Variants in PHKA1 observed in about 807,000 individuals in gnomAD.
PHKA1 encodes phosphorylase b kinase regulatory subunit alpha, skeletal muscle isoform.
Under a neutral mutation model 110.2 loss-of-function variants are expected in PHKA1, and 60 were observed. The ratio of observed to expected loss-of-function variants is 0.54; its 90% CI spans 0.44 to 0.68. The LOEUF is 0.68. Among genes scored for constraint, PHKA1 ranks in the 30% least tolerant of loss-of-function variants. PHKA1 has a pLI of 0.00. For synonymous variants in PHKA1, 316 were observed against 333.6 expected (o/e 0.95, Z 0.58); for missense variants, 801 against 942.5 (o/e 0.85, Z 1.97).
intron 28 of PHKA1, among the ~76,000 whole-genome samples, chrX:72,595,918 T>C (rs1338656386): frequency 8.9e-6 from 1 of 112,062 alleles, no homozygotes; most frequent in Non-Finnish European, 1.9e-5. Flanking sequence ...AGAACTACCA[T>C]ATGATTCAGC....
intron 6 of PHKA1, among the ~76,000 whole-genome samples, chrX:72,671,812 A>G (rs1232820101): frequency 1.8e-5 from 2 of 111,582 alleles, no homozygotes; most frequent in African/African-American, 6.5e-5. Context: ...TCTTTGACAA[A>G]CCTGACAAAA....
At chrX:72,629,695 T>C (rs2053137019) in intron 16 of PHKA1, among the ~76,000 whole-genome samples, 1 of 111,906 alleles carries the variant, frequency 8.9e-6, no homozygotes, top group African/African-American at 3.2e-5. Flanking sequence ...GTACCTCTGT[T>C]CTTCATTTGT....
chrX:72,695,812 T>G lies in PHKA1; in HGVS notation c.350A>C (p.Asn117Thr), dbSNP rs1556327042. 2.5e-6 allele frequency: 3 copies of G among 1,206,240 alleles called. No homozygotes were observed. Among genetic ancestry groups the G allele is most frequent in the South Asian group, 3.5e-5 (2 of 56,828 alleles). ...CACTACAGTGGCACAGGTTTTGGTG[T>G]TGTACTTTGCATGGAGGCTATCCTT... is the stretch of plus-strand genomic sequence containing the variant. ...STKDSLHAKY[N>T]TKTCATVVGD... is the part of the protein sequence containing the mutation. Residue 117 changes from asparagine (N) to threonine (T), a missense_variant, in exon 4 of 32, where the codon AAC (asparagine) becomes ACC (threonine). Physicochemically the swap from Asn to Thr is moderately conservative, Grantham distance 65. This residue lies in a region of PHKA1 where 299 missense variants were observed against 423.3 expected (regional missense o/e 0.71). Transcript: ENST00000373542.
At chrX:72,674,754 C>T in intron 6 of PHKA1, among the ~76,000 whole-genome samples, 1 of 111,726 alleles carries the variant, frequency 9.0e-6, no homozygotes, top group South Asian at 3.7e-4. Context: ...AAAGCATTAT[C>T]TAGAATGTTA....
At chrX:72,708,029 G>C (rs1230202943) in intron 2 of PHKA1, 1 of 111,285 alleles carries the variant, frequency 9.0e-6, no homozygotes, top group Non-Finnish European at 1.9e-5. Flanking sequence ...ATTGGTGCTA[G>C]GCTTTCAAAG....
intron 16 of PHKA1, among the ~76,000 whole-genome samples, chrX:72,630,803 T>C (rs1224492432): frequency 9.0e-6 from 1 of 110,930 alleles, no homozygotes; most frequent in African/African-American, 3.3e-5. Context: ...AAAAAATTTG[T>C]AGGTTTATGT....
At chrX:72,636,681 T>C (rs1213666616) in intron 14 of PHKA1, among the ~76,000 whole-genome samples, 2 of 112,142 alleles carry the variant, frequency 1.8e-5, no homozygotes, top group Non-Finnish European at 3.8e-5. Flanking sequence ...AATAGTTTAT[T>C]CACACACACA....
intron 13 of PHKA1, among the ~76,000 whole-genome samples, chrX:72,648,574 T>C (rs1438418050): frequency 1.8e-5 from 2 of 111,520 alleles, no homozygotes; most frequent in Non-Finnish European, 3.8e-5. Flanking sequence ...GTCTTTTTTT[T>C]TCCCCAATAG....
chrX:72,671,206 T>A (rs782250622), intron 6 of PHKA1, among the ~76,000 whole-genome samples: 1 of 111,389 alleles, frequency 9.0e-6, no homozygotes, highest in South Asian at 3.8e-4. Flanking sequence ...CAGCCCAAAA[T>A]CTCCTCAAGC....
chrX:72,651,688 T>A (rs782345919), intron 12 of PHKA1, among the ~76,000 whole-genome samples: 1 of 112,037 alleles, frequency 8.9e-6, no homozygotes, highest in Non-Finnish European at 1.9e-5. Flanking sequence ...TTCTGCCCAC[T>A]TTTGCTAGAC....
At position 72,582,977 on chromosome X, in the gene PHKA1, C is replaced by G. The variant is rs971192752; in HGVS notation, c.3298-379G>C. Among the ~76,000 whole-genome samples the G allele has an allele frequency of 1.9e-4, 21 of 111,724 alleles. No homozygotes were observed. The Admixed American group carries it at 1.9e-3, about 10-fold the overall frequency. On this transcript the variant is annotated intron_variant, in intron 30 of 31. Transcript: ENST00000373542. The stretch of plus-strand genomic sequence containing the variant: ...AGCAACTTCATGAGTTTTTACATGA[C>G]TGTTTATTAAAATCTGATCACTGTA...
intron 28 of PHKA1, among the ~76,000 whole-genome samples, chrX:72,595,386 C>A (rs983910903): frequency 8.1e-5 from 9 of 110,814 alleles, no homozygotes; most frequent in African/African-American, 3.0e-4. Context: ...AAGATCAGAA[C>A]AAGACAAGAA....
intron 8 of PHKA1, among the ~76,000 whole-genome samples, chrX:72,659,080 C>T (rs893359686): frequency 8.0e-5 from 9 of 111,993 alleles, no homozygotes; most frequent in Admixed American, 4.7e-4. Context: ...TATTAATTGA[C>T]ATTCTCCTAT....
intron 6 of PHKA1, among the ~76,000 whole-genome samples, chrX:72,669,991 C>G (rs1172689256): frequency 1.8e-5 from 2 of 110,941 alleles, no homozygotes; most frequent in Non-Finnish European, 3.8e-5. Context: ...GTTTACAGTC[C>G]CACCAACAGT....
chrX:72,638,440 C>G (rs1185893974), intron 14 of PHKA1, among the ~76,000 whole-genome samples: 1 of 102,967 alleles, frequency 9.7e-6, no homozygotes, highest in African/African-American at 3.5e-5. Flanking sequence ...TTTCTTTTGT[C>G]TTTTATTAAT....
intron 14 of PHKA1, among the ~76,000 whole-genome samples, chrX:72,637,414 T>G (rs985620637): frequency 8.9e-6 from 1 of 112,446 alleles, no homozygotes. Context: ...TATTCCATTT[T>G]GGGTATACAT....
At chrX:72,635,700 A>C (rs1556291313) in intron 15 of PHKA1, among the ~76,000 whole-genome samples, 1 of 111,778 alleles carries the variant, frequency 8.9e-6, no homozygotes. Flanking sequence ...CAGCTGCACT[A>C]TTTCAAATGT....
chrX:72,593,416 A>T (rs1556229206), intron 28 of PHKA1, 142 bp from the exon 29 acceptor site: 1 of 469,544 alleles, frequency 2.1e-6, no homozygotes, highest in East Asian at 4.0e-5. Context: ...ATCTCGGCTC[A>T]CTGCAAGCTC....
rs782102816 is a variant in PHKA1 at position 72,609,675 on chromosome X, T to C, written c.2555A>G (p.Lys852Arg). Residue 852 changes from lysine (K) to arginine (R), a missense_variant, in exon 23 of 32, where the codon AAA becomes AGA. Lys to Arg is a conservative substitution (Grantham distance 26). Transcript: ENST00000373542. ...EACTDLLSHQKHLTVGLPPEP... is the reference protein window; with the variant it reads ...EACTDLLSHQRHLTVGLPPEP... The stretch of plus-strand genomic sequence containing the variant: ...TGGAGGAAGTCCTACTGTCAAATGT[T>C]TCTGGTGGGAGAGAAGGTCTGTGCA... The C allele has an allele frequency of 8.3e-7, 1 of 1,203,941 alleles. No homozygotes were observed. Among genetic ancestry groups the C allele is most frequent in the Non-Finnish European group, 1.1e-6 (1 of 888,427 alleles).
Sources: gnomAD v4.1 joint callset for allele counts (sites outside exome capture counted in the v4.1 genomes callset) on GRCh38, gnomAD v4.1.1 for gene constraint, gnomAD v4.1.1 regional missense constraint, MANE v1.5 for transcripts, NCBI Gene and HGNC (gene_info 2026-07-23, HGNC 2026-07-21) for gene names.